Variants in SCN11A observed in about 807,000 individuals in gnomAD.
The protein encoded by SCN11A is sodium voltage-gated channel alpha subunit 11.
Under a neutral mutation model 162.2 loss-of-function variants are expected in SCN11A, and 122 were observed. The observed-to-expected ratio is 0.75, with a 90% CI of 0.65 to 0.87. The LOEUF is 0.87. SCN11A is among the 40% of genes least tolerant of loss of function. The pLI, the probability that SCN11A is intolerant of heterozygous loss-of-function variation, is 0.00. For missense variants in SCN11A, 2,015 were observed against 2,181.6 expected (o/e 0.92, Z 1.52); for synonymous variants, 758 against 751.5 (o/e 1.01, Z -0.14).
Position 38,948,759 on chromosome 3 carries a change from G to A in SCN11A, c.267+1337C>T, listed in dbSNP as rs75919624. Among the ~76,000 whole-genome samples the A allele has an allele frequency of 1.0e-3, 152 of 152,144 alleles. 2 individuals carry two copies. In the East Asian group the frequency reaches 0.028, roughly 28 times the overall value. On this transcript the variant is annotated intron_variant, in intron 5 of 29. Transcript: ENST00000302328. ...TGGTGGTCCTAGAATTACCACCCAG[G>A]CTGGAATAGTCCTGTTCTCCCGGAC...
Position 38,871,758 on chromosome 3 carries a change from C to G in SCN11A, c.3496-50G>C, listed in dbSNP as rs2065130545. On this transcript the variant is annotated intron_variant, in intron 24 of 29. Transcript: ENST00000302328. ...ACCATAACAGATGGGTAGGATGCAC[C>G]AGGCTCTTCAACTTCTCAGCATGGG... 6 of 1,483,544 alleles carry G rather than the reference C, an allele frequency of 4.0e-6. No homozygotes were observed. In the South Asian group the frequency reaches 6.7e-5, roughly 17 times the overall value. 91.9% of individuals were successfully genotyped at this position (1,483,544 alleles called of 1,614,324 possible).
Position 38,985,142 on chromosome 3 carries a change from T to G in SCN11A, c.-279-24719A>C, listed in dbSNP as rs1481137638. On this transcript the variant is annotated intron_variant, in intron 2 of 29. Transcript: ENST00000302328. ...TGGCTGGCTGTCTTTTTTTTTTTTT[T>G]TTTGAGACAGAGTCTTGCTCTGTTG... is the stretch of plus-strand genomic sequence containing the variant. Among the ~76,000 whole-genome samples, 144 of 149,110 alleles carry G rather than the reference T, an allele frequency of 9.7e-4. 4 individuals are homozygous for G. The highest frequency in any genetic ancestry group is 1.6e-3 in the Non-Finnish European group (105 of 67,716).
intron 19 of SCN11A, among the ~76,000 whole-genome samples, chr3:38,886,982 A>G (rs1046701845): frequency 5.3e-5 from 8 of 152,082 alleles, no homozygotes; most frequent in African/African-American, 7.2e-5. Flanking sequence ...GACAACCTGC[A>G]TATGTGTTAC....
At chr3:38,935,181 G>A (rs148332747) in intron 7 of SCN11A, among the ~76,000 whole-genome samples, 10,249 of 152,130 alleles carry the variant, frequency 0.067, 1,120 homozygotes, top group African/African-American at 0.23. Flanking sequence ...TGAAACCAAC[G>A]AGAGCAGACA....
intron 12 of SCN11A, 94 bp downstream of exon 12, chr3:38,909,972 T>C: frequency 1.2e-5 from 15 of 1,221,184 alleles, no homozygotes; most frequent in Non-Finnish European, 1.6e-5. Context: ...ATGGTAGTTA[T>C]AAATAAATGG....
chr3:38,888,384 A>C (rs1162843946), intron 19 of SCN11A, among the ~76,000 whole-genome samples: 1 of 152,240 alleles, frequency 6.6e-6, no homozygotes, highest in African/African-American at 2.4e-5. Flanking sequence ...TAGAACTTAG[A>C]CTGCAAAGAG....
intron 6 of SCN11A, among the ~76,000 whole-genome samples, chr3:38,946,337 G>C (rs2066516345): frequency 6.6e-6 from 1 of 152,154 alleles, no homozygotes; most frequent in African/African-American, 2.4e-5. Flanking sequence ...TTCAAGAAAA[G>C]CTGGAAATCT....
At chr3:38,967,179 AG>A (rs2066788185) in intron 2 of SCN11A, among the ~76,000 whole-genome samples, 1 of 152,194 alleles carries the variant, frequency 6.6e-6, no homozygotes, top group South Asian at 2.1e-4. Flanking sequence ...CCAGCCTCCA[AG>A]GCAGCCCAAT....
intron 2 of SCN11A, among the ~76,000 whole-genome samples, chr3:38,992,187 A>G (rs1405824532): frequency 6.6e-6 from 1 of 152,234 alleles, no homozygotes; most frequent in Non-Finnish European, 1.5e-5. Context: ...TGCAGAAACG[A>G]AGTCCAATAC....
At position 38,870,274 on chromosome 3, in the gene SCN11A, C is replaced by T. The variant is rs1380226642; in HGVS notation, c.3813+417G>A. ...CATCACTAGGGAGTCTGGAGCCATG[C>T]GAGGGTCTCCCTTGCAAATTTAGTG... On this transcript the variant is annotated intron_variant, in intron 26 of 29. Coordinates refer to ENST00000302328, the MANE Select transcript of SCN11A (RefSeq NM_001349253.2). Among the ~76,000 whole-genome samples the T allele has an allele frequency of 4.6e-5, 7 of 152,236 alleles. No individual in the cohort carries two copies. The East Asian group carries it at 9.6e-4, about 21-fold the overall frequency.
intron 17 of SCN11A, among the ~76,000 whole-genome samples, chr3:38,898,197 C>T (rs993838129): frequency 6.6e-6 from 1 of 152,060 alleles, no homozygotes; most frequent in Non-Finnish European, 1.5e-5. Context: ...GAGATCACGC[C>T]ACTGTACTCC....
At chr3:38,848,162 A>C (rs2064707316) in intron 29 of SCN11A, among the ~76,000 whole-genome samples, 1 of 152,224 alleles carries the variant, frequency 6.6e-6, no homozygotes. Context: ...CTGAAGGGAC[A>C]CAATTTGGAG....
intron 2 of SCN11A, among the ~76,000 whole-genome samples, chr3:39,018,749 C>A (rs2031363792): frequency 6.6e-6 from 1 of 152,048 alleles, no homozygotes; most frequent in Non-Finnish European, 1.5e-5. Context: ...ACCCGGGAGG[C>A]AGAGCTTGCA....
At chr3:39,041,490 A>G (rs1387545016) in intron 1 of SCN11A, among the ~76,000 whole-genome samples, 2 of 152,250 alleles carry the variant, frequency 1.3e-5, no homozygotes, top group Admixed American at 6.5e-5. Flanking sequence ...GAAAATCCCC[A>G]TTAGACTAAC....
At chr3:38,906,396 C>G (rs1489972740) in intron 14 of SCN11A, among the ~76,000 whole-genome samples, 1 of 152,104 alleles carries the variant, frequency 6.6e-6, no homozygotes, top group Non-Finnish European at 1.5e-5. Flanking sequence ...TAATCAACAT[C>G]CCTGCTTGGA....
At chr3:38,906,061 G>A (rs1276927992) in intron 14 of SCN11A, among the ~76,000 whole-genome samples, 1 of 152,160 alleles carries the variant, frequency 6.6e-6, no homozygotes, top group Non-Finnish European at 1.5e-5. Context: ...GTCTTTCTAT[G>A]AGATCTCTCC....
At chr3:39,016,675 T>G (rs1306508791) in intron 2 of SCN11A, among the ~76,000 whole-genome samples, 1 of 152,186 alleles carries the variant, frequency 6.6e-6, no homozygotes, top group Non-Finnish European at 1.5e-5. Flanking sequence ...AGATCTTGGC[T>G]CACTGCAACC....
intron 19 of SCN11A, among the ~76,000 whole-genome samples, chr3:38,893,274 C>T (rs2065530984): frequency 1.3e-5 from 2 of 151,998 alleles, no homozygotes; most frequent in Admixed American, 6.6e-5. Flanking sequence ...TAAAGAGGGA[C>T]ATTTTATAAT....
At chr3:39,024,193 C>T (rs192529967) in intron 2 of SCN11A, among the ~76,000 whole-genome samples, 7 of 152,264 alleles carry the variant, frequency 4.6e-5, no homozygotes, top group South Asian at 2.1e-4. Flanking sequence ...CAGGGAAAAT[C>T]GTTTGTTTTT....
Sources: allele counts gnomAD v4.1 joint callset (sites outside exome capture counted in the v4.1 genomes callset), GRCh38; gene constraint gnomAD v4.1.1; transcripts MANE v1.5; gene names NCBI Gene and HGNC (gene_info 2026-07-23, HGNC 2026-07-21).